CELF2: variants seen among roughly 807,000 people sequenced by gnomAD.
The protein encoded by CELF2 is CUGBP Elav-like family member 2.
A neutral mutation model predicts 62.6 loss-of-function variants in CELF2; 8 were observed. The ratio of observed to expected loss-of-function variants is 0.13; its 90% confidence interval spans 0.07 to 0.23. The LOEUF is 0.23. Ranked by LOEUF, CELF2 falls within the 10% of genes least tolerant of loss-of-function variation. CELF2 has a pLI of 1.00. For missense variants in CELF2, 333 were observed against 671.0 expected (o/e 0.50, Z 5.56); for synonymous variants, 258 against 250.0 (o/e 1.03, Z -0.30).
At chr10:10,478,780 T>G in the CELF2 span, among the ~76,000 whole-genome samples, 6 of 152,314 alleles carry the variant, frequency 3.9e-5, no homozygotes, top group East Asian at 1.2e-3. Flanking sequence ...CAGACCTCCA[T>G]CATTTCTGTC....
At position 11,210,047 on chromosome 10, in the gene CELF2, G is replaced by A. The variant is rs140849539; in HGVS notation, c.272-7378G>A. On this transcript the variant is annotated intron_variant, in intron 2 of 12. Transcript: ENST00000633077. ...GCGGGTTCACTAATTTAGCCTTCCA[G>A]GGCCTTCGTCCCTTGATCTGTCAGC... Among the ~76,000 whole-genome samples, 667 of 152,312 alleles carry A rather than the reference G, an allele frequency of 4.4e-3. 9 individuals carry two copies. Among genetic ancestry groups the A allele is most frequent in the African/African-American group, 0.016 (645 of 41,558 alleles).
intron 1 of CELF2, among the ~76,000 whole-genome samples, chr10:11,164,259 G>A (rs1410218226): frequency 2.0e-5 from 3 of 152,224 alleles, no homozygotes; most frequent in Non-Finnish European, 4.4e-5. Flanking sequence ...TATTTGGAGC[G>A]GGGGTAGGGG....
the CELF2 span, among the ~76,000 whole-genome samples, chr10:10,722,981 C>G: frequency 1.2e-4 from 18 of 152,258 alleles, 1 homozygote; most frequent in East Asian, 2.9e-3. Flanking sequence ...TGATATTCAT[C>G]TTATTCGATT....
At chr10:11,231,361 A>G (rs2068579155) in intron 3 of CELF2, among the ~76,000 whole-genome samples, 1 of 152,232 alleles carries the variant, frequency 6.6e-6, no homozygotes, top group Non-Finnish European at 1.5e-5. Flanking sequence ...GACCAGCATC[A>G]AAGAGTGAGC....
the CELF2 span, among the ~76,000 whole-genome samples, chr10:10,752,798 G>GAAA: frequency 2.1e-5 from 2 of 94,216 alleles, no homozygotes; most frequent in African/African-American, 4.2e-5. Context: ...CAAAATACCG[G>GAAA]TAGTAAAAAA....
chr10:11,119,870 C>A (rs888446414), intron 1 of CELF2, among the ~76,000 whole-genome samples: 7 of 133,152 alleles, frequency 5.3e-5, no homozygotes, highest in African/African-American at 1.1e-4. Flanking sequence ...CGCCTCCCCC[C>A]CCCCGGCCCC....
chr10:10,482,904 T>C, the CELF2 span, among the ~76,000 whole-genome samples: 4 of 152,124 alleles, frequency 2.6e-5, no homozygotes, highest in African/African-American at 9.7e-5. Context: ...CAGAGCTCAC[T>C]GAAATTATTT....
chr10:10,629,374 A>G, the CELF2 span, among the ~76,000 whole-genome samples: 1 of 152,170 alleles, frequency 6.6e-6, no homozygotes, highest in South Asian at 2.1e-4. Flanking sequence ...TTGGAAGAAA[A>G]TTGTGCTCAC....
the CELF2 span, among the ~76,000 whole-genome samples, chr10:10,778,236 A>G: frequency 2.6e-5 from 4 of 152,324 alleles, no homozygotes; most frequent in South Asian, 8.3e-4. Flanking sequence ...CAATGACCCA[A>G]GAGAGGGACC....
chr10:11,314,227 T>G lies in CELF2; in HGVS notation c.1065T>G (p.Thr355=), dbSNP rs2094766512. ...LGTLQGLAGA[T]VGLNNINALA... ...CTCTGCAAGGACTGGCTGGAGCCACTGTTGGACTGAATAATATTAATGCAC... is the reference window on the plus strand; with the variant it reads ...CTCTGCAAGGACTGGCTGGAGCCACGGTTGGACTGAATAATATTAATGCAC... The change falls in exon 10 of 13, where the codon ACT becomes ACG. Residue 355 remains threonine (T), a synonymous_variant. Coordinates refer to ENST00000633077, the MANE Select transcript of CELF2 (RefSeq NM_001326342.2). The surrounding 1 kb of genome is among the most constrained non-coding windows in gnomAD (Gnocchi z 5.3). 6.2e-7 allele frequency: 1 copy of G among 1,614,230 alleles called. No homozygotes were observed. The highest frequency in any genetic ancestry group is 8.5e-7 in the Non-Finnish European group (1 of 1,180,022).
the CELF2 span, among the ~76,000 whole-genome samples, chr10:10,567,394 A>G: frequency 5.9e-5 from 9 of 152,314 alleles, no homozygotes; most frequent in African/African-American, 2.2e-4. Flanking sequence ...TGGGGAAGCT[A>G]GCTCTAAACT....
intron 1 of CELF2, among the ~76,000 whole-genome samples, chr10:10,916,440 T>C (rs1416834087): frequency 2.0e-5 from 3 of 152,194 alleles, no homozygotes; most frequent in Non-Finnish European, 4.4e-5. Flanking sequence ...TAAAGCATAG[T>C]TTTCCCCGGC....
intron 1 of CELF2, among the ~76,000 whole-genome samples, chr10:11,125,708 A>G (rs1432998430): frequency 2.0e-5 from 3 of 152,168 alleles, no homozygotes; most frequent in Non-Finnish European, 4.4e-5. Context: ...CGGTTTTGCT[A>G]TCCTGTCCAC....
In CELF2 at chr10:10,936,539, G is replaced by A. The variant is rs1490199435; in HGVS notation, c.89+16540G>A. On this transcript the variant is annotated intron_variant, in intron 2 of 13. Transcript: ENST00000636488. This position sits in a 1 kb window ranked among gnomAD's most constrained non-coding sequence, Gnocchi z 4.0. ...GGACAAGCTAACATTTTCTTGGGGT[G>A]GATGGAGTCCAGTTATCATTGCAGG... 6.6e-6 allele frequency: 1 copy of A among 152,202 alleles called. No individual in the cohort carries two copies. The highest frequency in any genetic ancestry group is 1.5e-5 in the Non-Finnish European group (1 of 68,054). The allele number at this position is 152,202 out of a possible 1,614,324, so 9.4% of individuals were successfully genotyped here.
the CELF2 span, among the ~76,000 whole-genome samples, chr10:10,476,025 G>A: frequency 1.3e-5 from 2 of 152,050 alleles, no homozygotes; most frequent in Non-Finnish European, 2.9e-5. Context: ...CACAGAGACT[G>A]CTGGGTTTTT....
At chr10:11,006,183 C>G (rs1299675705) in intron 1 of CELF2, among the ~76,000 whole-genome samples, 1 of 152,164 alleles carries the variant, frequency 6.6e-6, no homozygotes, top group Non-Finnish European at 1.5e-5. Context: ...ATCTTTGGGT[C>G]TGACAATGGG....
At chr10:10,726,268 G>T in the CELF2 span, among the ~76,000 whole-genome samples, 2 of 152,132 alleles carry the variant, frequency 1.3e-5, no homozygotes, top group Admixed American at 1.3e-4. Flanking sequence ...TAAGAGGGTG[G>T]CACGGCTTTT....
At chr10:10,698,225 T>C in the CELF2 span, among the ~76,000 whole-genome samples, 2 of 152,192 alleles carry the variant, frequency 1.3e-5, no homozygotes, top group Admixed American at 6.5e-5. Flanking sequence ...TCAGTTTCAC[T>C]ATAAAATGGC....
intron 1 of CELF2, among the ~76,000 whole-genome samples, chr10:11,096,034 C>T (rs1434047566): frequency 1.3e-5 from 2 of 152,222 alleles, no homozygotes; most frequent in Admixed American, 1.3e-4. Context: ...CCTTCTACCT[C>T]CTCCTGCCTT....
Sources: gnomAD v4.1 joint callset for allele counts (sites outside exome capture counted in the v4.1 genomes callset) on GRCh38, gnomAD v4.1.1 for gene constraint, Gnocchi (gnomAD v3.1) non-coding constraint, MANE v1.5 for transcripts, NCBI Gene and HGNC (gene_info 2026-07-23, HGNC 2026-07-21) for gene names.